The following DCDC1 variants were observed in gnomAD, a reference collection of about 807,000 sequenced individuals.
The protein encoded by DCDC1 is doublecortin domain-containing protein 1.
DCDC1 carries 200 observed loss-of-function variants against 178.3 expected under a neutral mutation model. The observed-to-expected ratio is 1.12, with a 90% CI of 1.00 to 1.26. The LOEUF (loss-of-function observed/expected upper bound fraction) is 1.26. Ranked by LOEUF, DCDC1 falls within the 50% of genes most tolerant of loss-of-function variation. The pLI, the probability that DCDC1 is intolerant of heterozygous loss-of-function variation, is 0.00. For missense variants in DCDC1, 1,983 were observed against 1,749.2 expected (o/e 1.13, Z -2.38); for synonymous variants, 690 against 604.8 (o/e 1.14, Z -2.07).
At chr11:31,366,806 A>G (rs1951982208) in intron 1 of DCDC1, among the ~76,000 whole-genome samples, 1 of 152,196 alleles carries the variant, frequency 6.6e-6, no homozygotes, top group Non-Finnish European at 1.5e-5. Flanking sequence ...GACTAAAATT[A>G]GGGGTTTATA....
At chr11:31,057,489 GAA>G (rs1955661473) in intron 20 of DCDC1, among the ~76,000 whole-genome samples, 1 of 151,956 alleles carries the variant, frequency 6.6e-6, no homozygotes, top group African/African-American at 2.4e-5. Flanking sequence ...TAATACAATG[GAA>G]ATGATAATGA....
intron 8 of DCDC1, among the ~76,000 whole-genome samples, chr11:31,263,363 A>G (rs1944921522): frequency 6.6e-6 from 1 of 152,196 alleles, no homozygotes; most frequent in Non-Finnish European, 1.5e-5. Context: ...AAATGCAAGA[A>G]AGAAAGAAAT....
chr11:31,078,658 C>G (rs1956999846), intron 17 of DCDC1, among the ~76,000 whole-genome samples: 1 of 152,064 alleles, frequency 6.6e-6, no homozygotes, highest in South Asian at 2.1e-4. Context: ...GTAAAGGCAG[C>G]CATCCAAAAC....
At chr11:31,048,726 A>G (rs545601015) in intron 20 of DCDC1, among the ~76,000 whole-genome samples, 8 of 152,174 alleles carry the variant, frequency 5.3e-5, no homozygotes, top group Non-Finnish European at 8.8e-5. Flanking sequence ...ACGTGGTGGC[A>G]GGCGCCTGTA....
chr11:31,059,577 G>A (rs76334348), intron 20 of DCDC1, among the ~76,000 whole-genome samples: 1 of 152,066 alleles, frequency 6.6e-6, no homozygotes, highest in African/African-American at 2.4e-5. Context: ...ACTATCAAAA[G>A]CAATTATTAT....
chr11:31,232,741 T>A (rs1031736374), intron 9 of DCDC1, among the ~76,000 whole-genome samples: 2 of 152,148 alleles, frequency 1.3e-5, no homozygotes, highest in African/African-American at 4.8e-5. Context: ...ATAATATTAA[T>A]AATAAAGATG....
intron 20 of DCDC1, among the ~76,000 whole-genome samples, chr11:30,975,183 T>G (rs1950036501): frequency 6.6e-6 from 1 of 152,038 alleles, no homozygotes; most frequent in Non-Finnish European, 1.5e-5. Context: ...TTCTTCATGA[T>G]AAAAACTATC....
chr11:31,065,897 C>G (rs953006115), intron 18 of DCDC1, among the ~76,000 whole-genome samples: 2 of 152,094 alleles, frequency 1.3e-5, no homozygotes, highest in Non-Finnish European at 2.9e-5. Context: ...ACAGCCCTCA[C>G]GGAACAAGTG....
intron 20 of DCDC1, among the ~76,000 whole-genome samples, chr11:31,051,127 TA>T (rs989290388): frequency 3.4e-4 from 52 of 151,924 alleles, no homozygotes; most frequent in Admixed American, 1.9e-3. Context: ...ATAGATAGCT[TA>T]AAAAAAATCA....
chr11:31,115,993 G>T lies in DCDC1; in HGVS notation c.1486-5632C>A, dbSNP rs1204006263. Among the ~76,000 whole-genome samples, 3 of 125,078 alleles carry T rather than the reference G, an allele frequency of 2.4e-5. 1 individual carries two copies. The highest frequency in any genetic ancestry group is 5.3e-5 in the Non-Finnish European group (3 of 56,898). 82.1% of individuals were successfully genotyped at this position (125,078 alleles called of 152,430 possible). On this transcript the variant is annotated intron_variant, in intron 11 of 38. Transcript: ENST00000684477. Reference sequence around the variant, plus strand: ...ATAGCTGTGGCAGTGGGGGGGGGGGGGATGGGTATCTCAGTCCTGAGAGGG... The same window carrying T: ...ATAGCTGTGGCAGTGGGGGGGGGGGTGATGGGTATCTCAGTCCTGAGAGGG...
intron 7 of DCDC1, 49 bp from the exon 8 acceptor site, chr11:31,265,649 G>A: frequency 1.1e-6 from 1 of 902,200 alleles, no homozygotes; most frequent in Middle Eastern, 3.5e-4. Context: ...TGGTTAAATT[G>A]AATACACATT....
At chr11:31,171,076 C>T (rs144630986) in intron 9 of DCDC1, among the ~76,000 whole-genome samples, 1 of 152,126 alleles carries the variant, frequency 6.6e-6, no homozygotes, top group Non-Finnish European at 1.5e-5. Flanking sequence ...GATCCGCCCC[C>T]CTTGGCCTCC....
intron 3 of DCDC1, among the ~76,000 whole-genome samples, chr11:31,313,207 CCTTT>C (rs1261366060): frequency 1.3e-5 from 2 of 151,668 alleles, no homozygotes; most frequent in Non-Finnish European, 2.9e-5. Flanking sequence ...ATTTAATTTC[CCTTT>C]CTATTAGGTT....
At chr11:31,368,366 T>TG (rs1267308839) in intron 1 of DCDC1, among the ~76,000 whole-genome samples, 2 of 152,200 alleles carry the variant, frequency 1.3e-5, no homozygotes, top group Non-Finnish European at 2.9e-5. Flanking sequence ...AACCAAGCTG[T>TG]GGACAGAAGG....
At chr11:30,962,207 C>A (rs756241903) in intron 20 of DCDC1, among the ~76,000 whole-genome samples, 49 of 152,006 alleles carry the variant, frequency 3.2e-4, no homozygotes, top group Non-Finnish European at 5.9e-4. Flanking sequence ...TTACAAAGAT[C>A]AAGTAATTTT....
chr11:30,886,784 A>C (rs1449062822), intron 36 of DCDC1, among the ~76,000 whole-genome samples: 1 of 152,070 alleles, frequency 6.6e-6, no homozygotes, highest in Non-Finnish European at 1.5e-5. Flanking sequence ...AGGAAACCAA[A>C]GGGTATGGCA....
intron 20 of DCDC1, among the ~76,000 whole-genome samples, chr11:30,996,668 G>C (rs956923438): frequency 6.6e-6 from 1 of 152,192 alleles, no homozygotes. Context: ...TGGAAGAAAA[G>C]AGCAGCCTTC....
chr11:31,010,093 C>T (rs1166600049), intron 20 of DCDC1, among the ~76,000 whole-genome samples: 5 of 152,168 alleles, frequency 3.3e-5, no homozygotes, highest in African/African-American at 9.7e-5. Context: ...CATATCATGA[C>T]GGCACTCTGC....
Position 30,984,415 on chromosome 11 carries a change from T to G in DCDC1, c.2592-31847A>C, listed in dbSNP as rs142779434. Among the ~76,000 whole-genome samples, 8 of 152,230 alleles carry G rather than the reference T, an allele frequency of 5.3e-5. No homozygotes were observed. In the East Asian group the frequency reaches 1.5e-3, roughly 29 times the overall value. On this transcript the variant is annotated intron_variant, in intron 20 of 38. Coordinates refer to ENST00000684477, the MANE Select transcript of DCDC1 (RefSeq NM_001387274.1). ...AAACAGGTTTTTCTCTCACAAAAAT[T>G]CACTGATTTTAGTTTGGTAAGCAAC... is the stretch of plus-strand genomic sequence containing the variant.
Sources: gnomAD v4.1 joint callset for allele counts (sites outside exome capture counted in the v4.1 genomes callset) on GRCh38, gnomAD v4.1.1 for gene constraint, MANE v1.5 for transcripts, NCBI Gene and HGNC (gene_info 2026-07-23, HGNC 2026-07-21) for gene names.